CCBE1: variants seen among roughly 807,000 people sequenced by gnomAD.
CCBE1 encodes the protein collagen and calcium-binding EGF domain-containing protein 1.
CCBE1 carries 37 observed loss-of-function variants against 50.0 expected under a neutral mutation model. The ratio of observed to expected loss-of-function variants is 0.74; its 90% CI spans 0.57 to 0.97. The LOEUF is 0.97. CCBE1 is among the 50% of genes least tolerant of loss of function. The pLI, the probability that CCBE1 is intolerant of heterozygous loss-of-function variation, is 0.00. For missense variants in CCBE1, 538 were observed against 523.8 expected, an observed-to-expected ratio of 1.03 and a Z score of -0.26; for synonymous variants, 234 against 203.7, an observed-to-expected ratio of 1.15 and a Z score of -1.27.
At chr18:59,578,364 TC>T (rs2144502957) in intron 2 of CCBE1, among the ~76,000 whole-genome samples, 1 of 152,306 alleles carries the variant, frequency 6.6e-6, no homozygotes, top group African/African-American at 2.4e-5. Context: ...GTAAATTAGC[TC>T]AACCACTGTG....
At chr18:59,549,933 C>T (rs116259791) in intron 2 of CCBE1, among the ~76,000 whole-genome samples, 1,875 of 152,216 alleles carry the variant, frequency 0.012, 34 homozygotes, top group African/African-American at 0.043. Flanking sequence ...GAGTAATTTG[C>T]CCAAGGATAC....
At chr18:59,495,708 G>A (rs904907565) in intron 2 of CCBE1, among the ~76,000 whole-genome samples, 4 of 152,106 alleles carry the variant, frequency 2.6e-5, no homozygotes, top group South Asian at 4.2e-4. Flanking sequence ...CGTGGAAAAG[G>A]AAGATGACCC....
chr18:59,697,385 G>GACCAAGCGTCCTGCTCCTCCGC lies in CCBE1; in HGVS notation c.-65_-44dup. On this transcript the variant is annotated 5_prime_UTR_variant, in exon 1 of 11. Coordinates refer to ENST00000439986, the MANE Select transcript of CCBE1 (RefSeq NM_133459.4). ...TCTTCCCAGCGCCGAGCTCCGTCCGGACCAAGCGTCCTGCTCCTCCGCGGC... is the reference window on the plus strand; with the variant it reads ...TCTTCCCAGCGCCGAGCTCCGTCCGGACCAAGCGTCCTGCTCCTCCGCACCAAGCGTCCTGCTCCTCCGCGGC... 3 of 1,534,974 alleles carry GACCAAGCGTCCTGCTCCTCCGC rather than the reference G, an allele frequency of 2.0e-6. No individual in the cohort carries two copies. The highest frequency in any genetic ancestry group is 2.6e-6 in the Non-Finnish European group (3 of 1,142,436).
intron 2 of CCBE1, among the ~76,000 whole-genome samples, chr18:59,531,864 C>T (rs1042513199): frequency 6.6e-6 from 1 of 152,122 alleles, no homozygotes; most frequent in Non-Finnish European, 1.5e-5. Context: ...TACTCAAGAC[C>T]GAAACAAGTA....
At chr18:59,525,953 GT>G (rs1357413502) in intron 2 of CCBE1, among the ~76,000 whole-genome samples, 1 of 152,154 alleles carries the variant, frequency 6.6e-6, no homozygotes, top group Non-Finnish European at 1.5e-5. Context: ...CTATGTGTCT[GT>G]TTTTGTACCA....
At chr18:59,534,054 G>A (rs1035598667) in intron 2 of CCBE1, among the ~76,000 whole-genome samples, 5 of 152,098 alleles carry the variant, frequency 3.3e-5, no homozygotes, top group Admixed American at 2.6e-4. Flanking sequence ...TAACCACCCT[G>A]TTCCTCCTTT....
At chr18:59,500,861 G>A (rs778588873) in intron 2 of CCBE1, among the ~76,000 whole-genome samples, 10 of 152,318 alleles carry the variant, frequency 6.6e-5, no homozygotes, top group East Asian at 1.9e-4. Flanking sequence ...TGGAAACACA[G>A]GAAGGTGGGG....
intron 7 of CCBE1, among the ~76,000 whole-genome samples, chr18:59,444,484 C>T (rs1338988754): frequency 6.6e-6 from 1 of 151,248 alleles, no homozygotes; most frequent in East Asian, 2.0e-4. Flanking sequence ...GCCCAGGGTT[C>T]CAATTTTTCC....
chr18:59,626,760 G>A (rs1459800430), intron 2 of CCBE1, among the ~76,000 whole-genome samples: 1 of 152,214 alleles, frequency 6.6e-6, no homozygotes, highest in Non-Finnish European at 1.5e-5. Context: ...CACCTCTATG[G>A]GAATTTACTT....
At chr18:59,580,547 G>A (rs1046061994) in intron 2 of CCBE1, among the ~76,000 whole-genome samples, 5 of 152,116 alleles carry the variant, frequency 3.3e-5, no homozygotes, top group African/African-American at 1.2e-4. Flanking sequence ...AGATATTCAG[G>A]GATCAGAATC....
chr18:59,672,369 A>G (rs1244737420), intron 2 of CCBE1, among the ~76,000 whole-genome samples: 2 of 152,178 alleles, frequency 1.3e-5, no homozygotes, highest in Non-Finnish European at 2.9e-5. Context: ...TTTGATCAAT[A>G]TTATGCAATG....
chr18:59,683,697 CA>C (rs35608288), intron 2 of CCBE1, among the ~76,000 whole-genome samples: 1 of 151,096 alleles, frequency 6.6e-6, no homozygotes, highest in African/African-American at 2.4e-5. Context: ...GACTCCATCT[CA>C]AAAAAAGAGA....
At chr18:59,501,448 G>A (rs780395754) in intron 2 of CCBE1, among the ~76,000 whole-genome samples, 1 of 152,180 alleles carries the variant, frequency 6.6e-6, no homozygotes, top group Non-Finnish European at 1.5e-5. Context: ...GGCTGGAAGT[G>A]AGAGTGGAGT....
At chr18:59,637,284 G>A (rs757381461) in intron 2 of CCBE1, among the ~76,000 whole-genome samples, 31 of 152,042 alleles carry the variant, frequency 2.0e-4, no homozygotes, top group African/African-American at 6.8e-4. Context: ...AGTCTCTCAC[G>A]TTTTAATGTT....
chr18:59,438,347 T>A (rs1910256622), intron 9 of CCBE1, among the ~76,000 whole-genome samples: 1 of 152,202 alleles, frequency 6.6e-6, no homozygotes, highest in African/African-American at 2.4e-5. Flanking sequence ...TCATTCTGAT[T>A]TCCCTCAAGC....
chr18:59,623,660 C>T (rs888135793), intron 2 of CCBE1, among the ~76,000 whole-genome samples: 11 of 152,266 alleles, frequency 7.2e-5, no homozygotes, highest in African/African-American at 2.6e-4. Context: ...ACCCTTGCTA[C>T]AGATCAGTAC....
At chr18:59,686,594 CT>C (rs1568273366) in intron 2 of CCBE1, among the ~76,000 whole-genome samples, 1 of 152,208 alleles carries the variant, frequency 6.6e-6, no homozygotes, top group Non-Finnish European at 1.5e-5. Flanking sequence ...GTATATCCAT[CT>C]TTGGTTCCTC....
At chr18:59,492,289 G>A (rs147244827) in intron 2 of CCBE1, among the ~76,000 whole-genome samples, 38 of 151,610 alleles carry the variant, frequency 2.5e-4, no homozygotes, top group Middle Eastern at 3.5e-3. Context: ...CAACAGCTGC[G>A]TTTTCAGGTC....
At chr18:59,565,210 G>A (rs1184694021) in intron 2 of CCBE1, among the ~76,000 whole-genome samples, 4 of 123,150 alleles carry the variant, frequency 3.2e-5, no homozygotes, top group African/African-American at 1.2e-4. Flanking sequence ...AGGTAGAGGA[G>A]GGAGGGAGGA....
Sources: allele counts gnomAD v4.1 joint callset (sites outside exome capture counted in the v4.1 genomes callset), GRCh38; gene constraint gnomAD v4.1.1; transcripts MANE v1.5; gene names NCBI Gene and HGNC (gene_info 2026-07-23, HGNC 2026-07-21).